The following MTMR12 variants were observed in gnomAD, a reference collection of about 807,000 sequenced individuals.
MTMR12 encodes myotubularin related protein 12.
MTMR12 carries 33 observed loss-of-function variants against 96.7 expected under a neutral mutation model. The ratio of observed to expected loss-of-function variants is 0.34; its 90% confidence interval spans 0.26 to 0.46. The LOEUF (loss-of-function observed/expected upper bound fraction) is 0.46. MTMR12 is among the 20% of genes least tolerant of loss of function. The pLI, the probability that MTMR12 is intolerant of heterozygous loss-of-function variation, is 1.00. For missense variants in MTMR12, 721 were observed against 896.1 expected (o/e 0.80, Z 2.49); for synonymous variants, 298 against 327.2 (o/e 0.91, Z 0.96).
chr5:32,263,962 A>G (rs77441612), intron 6 of MTMR12, among the ~76,000 whole-genome samples: 2,344 of 152,294 alleles, frequency 0.015, 32 homozygotes, highest in Non-Finnish European at 0.024. Flanking sequence ...CAGGATCTTC[A>G]ATGTAAATCC....
intron 1 of MTMR12, among the ~76,000 whole-genome samples, chr5:32,295,165 G>C (rs1248690212): frequency 6.6e-6 from 1 of 152,228 alleles, no homozygotes; most frequent in African/African-American, 2.4e-5. Context: ...CTCCGAGCAG[G>C]CCTGACTAGC....
chr5:32,232,327 G>A (rs55808406), intron 15 of MTMR12, among the ~76,000 whole-genome samples: 50,022 of 152,048 alleles, frequency 0.33, 8,581 homozygotes, highest in East Asian at 0.5. Context: ...GTTTCTTGTC[G>A]CCCCCGTCCC....
rs1554056249 is a variant in MTMR12, at chr5:32,246,170, G to GTTTTTTTTTTTTGT, written c.1021+1831_1021+1832insACAAAAAAAAAAAA. Among the ~76,000 whole-genome samples the GTTTTTTTTTTTTGT allele has an allele frequency of 1.7e-4, 14 of 82,772 alleles. 1 individual carries two copies. Among genetic ancestry groups the GTTTTTTTTTTTTGT allele is most frequent in the African/African-American group, 5.2e-4 (13 of 25,058 alleles). The allele number at this position is 82,772 out of a possible 152,430, so 54.3% of individuals were successfully genotyped here. A position where few individuals can be genotyped will look rare whatever the true frequency, so the allele number is the denominator to read the frequency against. On this transcript the variant is annotated intron_variant, in intron 10 of 15. Transcript: ENST00000382142. Reference sequence around the variant, plus strand: ...GGTTTCGGTGCCTATTGAGTAGACAGTTTTTTTTTTTTTTGAGATGGAGTC... The same window carrying GTTTTTTTTTTTTGT: ...GGTTTCGGTGCCTATTGAGTAGACAGTTTTTTTTTTTTGTTTTTTTTTTTTTTTGAGATGGAGTC...
intron 1 of MTMR12, chr5:32,309,735 T>C (rs1156906975): frequency 6.6e-6 from 1 of 151,952 alleles, no homozygotes; most frequent in Non-Finnish European, 1.5e-5. Flanking sequence ...TGCGCAAGGA[T>C]GACATGCAAA....
intron 1 of MTMR12, among the ~76,000 whole-genome samples, chr5:32,279,159 C>T (rs905564968): frequency 1.4e-5 from 2 of 138,416 alleles, no homozygotes; most frequent in Non-Finnish European, 1.5e-5. Context: ...ACAATCCCAA[C>T]ACTTTGGGAG....
chr5:32,301,775 T>C (rs983484777), intron 1 of MTMR12, among the ~76,000 whole-genome samples: 1 of 151,988 alleles, frequency 6.6e-6, no homozygotes, highest in African/African-American at 2.4e-5. Flanking sequence ...CCTGTAACCC[T>C]AGCTACTCAG....
chr5:32,266,212 T>C (rs928307444), intron 6 of MTMR12, among the ~76,000 whole-genome samples: 7 of 152,124 alleles, frequency 4.6e-5, no homozygotes, highest in Non-Finnish European at 1.0e-4. Flanking sequence ...TTTTGTTTTG[T>C]TTTGTTTTGT....
At chr5:32,256,745 T>A (rs549651630) in intron 7 of MTMR12, among the ~76,000 whole-genome samples, 2 of 152,350 alleles carry the variant, frequency 1.3e-5, no homozygotes, top group African/African-American at 4.8e-5. Flanking sequence ...TTTGTATGCA[T>A]GCTGCATGTG....
rs780501383 is a variant in MTMR12 at position 32,312,093 on chromosome 5, T to C, written c.81+665A>G. On this transcript the variant is annotated intron_variant, in intron 1 of 15. Coordinates refer to ENST00000382142, the MANE Select transcript of MTMR12 (RefSeq NM_001040446.3). This position sits in a 1 kb window ranked among gnomAD's most constrained non-coding sequence, Gnocchi z 5.0. ...AGGAGCTCGAGAAGTATTTTCTGAA[T>C]GAATGAACAAATTTCTTGACCTGAA... 6.6e-6 allele frequency among the ~76,000 whole-genome samples: 1 copy of C among 152,120 alleles called. No homozygotes were observed. Among genetic ancestry groups the C allele is most frequent in the Non-Finnish European group, 1.5e-5 (1 of 68,022 alleles).
At chr5:32,245,503 T>C (rs903182794) in intron 10 of MTMR12, among the ~76,000 whole-genome samples, 30 of 152,124 alleles carry the variant, frequency 2.0e-4, no homozygotes, top group African/African-American at 6.5e-4. Flanking sequence ...TCCTGGGCAT[T>C]TTTCTACAAA....
chr5:32,301,912 T>TA (rs1388782956), intron 1 of MTMR12, among the ~76,000 whole-genome samples: 1 of 150,268 alleles, frequency 6.7e-6, no homozygotes, highest in Admixed American at 6.6e-5. Flanking sequence ...AAACAAAAAA[T>TA]AAAAAACAAA....
chr5:32,246,714 A>G (rs1441609029), intron 10 of MTMR12, among the ~76,000 whole-genome samples: 1 of 152,218 alleles, frequency 6.6e-6, no homozygotes. Flanking sequence ...CTGTCCCCGT[A>G]AACGTTTTCT....
intron 10 of MTMR12, among the ~76,000 whole-genome samples, chr5:32,244,498 G>T (rs1309543796): frequency 6.6e-6 from 1 of 152,176 alleles, no homozygotes; most frequent in African/African-American, 2.4e-5. Context: ...GGCTGAGGCA[G>T]GAGAATTGCT....
chr5:32,289,293 A>G (rs1016527967), intron 1 of MTMR12, among the ~76,000 whole-genome samples: 1 of 152,236 alleles, frequency 6.6e-6, no homozygotes, highest in African/African-American at 2.4e-5. Context: ...GGTCTAATGC[A>G]CAAAAGACTA....
chr5:32,311,614 C>T (rs748311056), intron 1 of MTMR12, among the ~76,000 whole-genome samples: 1 of 152,208 alleles, frequency 6.6e-6, no homozygotes, highest in African/African-American at 2.4e-5. Context: ...AGATGCAAAA[C>T]AAGAAGGCTT....
At chr5:32,269,368 CTTG>C (rs1400249179) in intron 5 of MTMR12, among the ~76,000 whole-genome samples, 2 of 151,764 alleles carry the variant, frequency 1.3e-5, no homozygotes, top group African/African-American at 4.8e-5. Flanking sequence ...GAGTTTCACT[CTTG>C]TTGTTCATTG....
At chr5:32,236,831 C>T (rs1748251812) in intron 13 of MTMR12, among the ~76,000 whole-genome samples, 1 of 149,632 alleles carries the variant, frequency 6.7e-6, no homozygotes, top group Admixed American at 6.6e-5. Context: ...GAGCGAAACT[C>T]CTTCTCCAAA....
chr5:32,281,771 A>G (rs2112108541), intron 1 of MTMR12, among the ~76,000 whole-genome samples: 1 of 151,964 alleles, frequency 6.6e-6, no homozygotes, highest in Admixed American at 6.6e-5. Context: ...ATGGTGATGC[A>G]TGCCTATAAT....
At chr5:32,266,698 A>C (rs77468463) in intron 6 of MTMR12, among the ~76,000 whole-genome samples, 3 of 150,480 alleles carry the variant, frequency 2.0e-5, no homozygotes, top group Non-Finnish European at 4.4e-5. Context: ...AAAAAAAAAA[A>C]CAACCAACAA....
Sources: allele counts gnomAD v4.1 joint callset (sites outside exome capture counted in the v4.1 genomes callset), GRCh38; gene constraint gnomAD v4.1.1; non-coding constraint Gnocchi (gnomAD v3.1); transcripts MANE v1.5; gene names NCBI Gene and HGNC (gene_info 2026-07-23, HGNC 2026-07-21).